Variants in SPOCK3 observed in about 807,000 individuals in gnomAD.
The protein encoded by SPOCK3 is SPARC (osteonectin), cwcv and kazal like domains proteoglycan 3, also known as testican-3.
In SPOCK3, 30 loss-of-function variants were observed where a neutral mutation model predicts 56.6. The ratio of observed to expected loss-of-function variants is 0.53; its 90% CI spans 0.40 to 0.72. The LOEUF (loss-of-function observed/expected upper bound fraction) is 0.72. Ranked by LOEUF, SPOCK3 falls within the 30% of genes least tolerant of loss-of-function variation. The pLI is 0.00. For missense variants in SPOCK3, 527 were observed against 530.0 expected, an observed-to-expected ratio of 0.99 and a Z score of 0.06; for synonymous variants, 196 against 183.3, an observed-to-expected ratio of 1.07 and a Z score of -0.56.
chr4:167,103,285 C>T (rs1317803283), intron 2 of SPOCK3, among the ~76,000 whole-genome samples: 1 of 152,116 alleles, frequency 6.6e-6, no homozygotes, highest in African/African-American at 2.4e-5. Context: ...GGACAGAGCA[C>T]CAAGTGGGCC....
At chr4:167,196,825 C>T (rs1199265285) in intron 2 of SPOCK3, among the ~76,000 whole-genome samples, 3 of 152,166 alleles carry the variant, frequency 2.0e-5, no homozygotes, top group African/African-American at 7.2e-5. Flanking sequence ...CTCTCATATA[C>T]TGGCAGCTTG....
chr4:166,834,915 C>G (rs1247686772), intron 6 of SPOCK3, among the ~76,000 whole-genome samples: 1 of 151,892 alleles, frequency 6.6e-6, no homozygotes, highest in South Asian at 2.1e-4. Context: ...GTTATATAAA[C>G]AAATCTTTAT....
intron 10 of SPOCK3, among the ~76,000 whole-genome samples, chr4:166,736,406 A>C (rs1734221252): frequency 6.6e-6 from 1 of 152,102 alleles, no homozygotes; most frequent in South Asian, 2.1e-4. Flanking sequence ...TGTAAAATTT[A>C]TGTAAGGCAG....
At chr4:166,859,293 T>C (rs746472967) in intron 6 of SPOCK3, among the ~76,000 whole-genome samples, 1 of 152,128 alleles carries the variant, frequency 6.6e-6, no homozygotes, top group Non-Finnish European at 1.5e-5. Context: ...TATAAAAATA[T>C]ACATAAACAT....
intron 2 of SPOCK3, chr4:167,102,471 A>G (rs1221006089): frequency 6.6e-6 from 1 of 152,144 alleles, no homozygotes; most frequent in African/African-American, 2.4e-5. Context: ...GAAGCACTGA[A>G]GATGGTAAAA....
intron 6 of SPOCK3, 42 bp from the exon 7 acceptor site, chr4:166,792,331 G>A (rs199715449): frequency 3.7e-6 from 6 of 1,607,600 alleles, no homozygotes; most frequent in Admixed American, 3.3e-5. Context: ...TAATATCTTA[G>A]TATAATGTTA....
intron 6 of SPOCK3, among the ~76,000 whole-genome samples, chr4:166,799,794 A>G (rs1253437689): frequency 1.3e-5 from 2 of 152,130 alleles, no homozygotes; most frequent in Non-Finnish European, 2.9e-5. Context: ...ATAAAAGCGA[A>G]CTGAGAAGAA....
At chr4:167,176,775 G>C (rs887965596) in intron 2 of SPOCK3, among the ~76,000 whole-genome samples, 3 of 152,072 alleles carry the variant, frequency 2.0e-5, no homozygotes, top group African/African-American at 7.2e-5. Flanking sequence ...GAAATCCTCA[G>C]CATTTGCAAG....
chr4:166,841,085 GTTT>G (rs201046909), intron 6 of SPOCK3, among the ~76,000 whole-genome samples: 3 of 151,430 alleles, frequency 2.0e-5, no homozygotes, highest in African/African-American at 4.9e-5. Flanking sequence ...GCCCGCAGAA[GTTT>G]TTTTTTACTA....
At chr4:167,087,186 A>G (rs1336960452) in intron 2 of SPOCK3, among the ~76,000 whole-genome samples, 5 of 152,156 alleles carry the variant, frequency 3.3e-5, no homozygotes, top group African/African-American at 4.8e-5. Context: ...TCATAACTCT[A>G]TGAGGTACAG....
At chr4:166,780,333 T>C (rs1029145492) in intron 7 of SPOCK3, among the ~76,000 whole-genome samples, 5 of 151,770 alleles carry the variant, frequency 3.3e-5, no homozygotes, top group Non-Finnish European at 7.4e-5. Context: ...TGACAGTAAA[T>C]AAACTCTGGA....
At position 166,873,561 on chromosome 4, in the gene SPOCK3, C is replaced by T. The variant is rs202087598; in HGVS notation, c.589+15569G>A. Among the ~76,000 whole-genome samples the T allele has an allele frequency of 5.3e-5, 8 of 152,194 alleles. No individual in the cohort carries two copies. The East Asian group carries it at 1.4e-3, about 26-fold the overall frequency. ...TGCTCTATATTGTTGTGAACATAAACTGCGGCACAAATAAAGCCTATTTTA... is the reference window on the plus strand; with the variant it reads ...TGCTCTATATTGTTGTGAACATAAATTGCGGCACAAATAAAGCCTATTTTA... On this transcript the variant is annotated intron_variant, in intron 6 of 10. Coordinates refer to ENST00000357545, the MANE Select transcript of SPOCK3 (RefSeq NM_001040159.2).
intron 2 of SPOCK3, among the ~76,000 whole-genome samples, chr4:167,112,848 T>TTAA (rs1554038269): frequency 1.0e-4 from 15 of 149,594 alleles, no homozygotes; most frequent in Middle Eastern, 6.8e-3. Flanking sequence ...TGCTCTTTTT[T>TTAA]AAAAAAAAAA....
At chr4:166,810,000 G>A (rs921771832) in intron 6 of SPOCK3, among the ~76,000 whole-genome samples, 2 of 152,044 alleles carry the variant, frequency 1.3e-5, no homozygotes, top group Non-Finnish European at 2.9e-5. Flanking sequence ...CAAATTTATC[G>A]ATTACAGTTT....
intron 4 of SPOCK3, among the ~76,000 whole-genome samples, chr4:166,972,926 T>G (rs1243346972): frequency 6.6e-6 from 1 of 152,198 alleles, no homozygotes; most frequent in African/African-American, 2.4e-5. Flanking sequence ...GAATAAAGTA[T>G]GCCTTTCTCA....
intron 4 of SPOCK3, among the ~76,000 whole-genome samples, chr4:166,997,514 A>G (rs1748507933): frequency 6.6e-6 from 1 of 152,134 alleles, no homozygotes; most frequent in Admixed American, 6.6e-5. Flanking sequence ...TCAATTGATC[A>G]AACTATTTGT....
chr4:167,197,740 TTTTAAG>T (rs1298668929), intron 2 of SPOCK3, among the ~76,000 whole-genome samples: 1 of 152,182 alleles, frequency 6.6e-6, no homozygotes. Flanking sequence ...TGATGTTATG[TTTTAAG>T]TTTGTGTTCA....
chr4:166,777,308 C>T (rs541866547), intron 7 of SPOCK3, among the ~76,000 whole-genome samples: 2 of 152,026 alleles, frequency 1.3e-5, no homozygotes, highest in Admixed American at 1.3e-4. Flanking sequence ...TAAACATTCC[C>T]AAGTTAGGTA....
chr4:166,917,734 G>T (rs1738021426), intron 4 of SPOCK3, among the ~76,000 whole-genome samples: 5 of 151,978 alleles, frequency 3.3e-5, no homozygotes, highest in Non-Finnish European at 1.5e-5. Context: ...GAAGTGCCTT[G>T]CTTCCCCTTC....
Sources: gnomAD v4.1 joint callset for allele counts (sites outside exome capture counted in the v4.1 genomes callset) on GRCh38, gnomAD v4.1.1 for gene constraint, MANE v1.5 for transcripts, NCBI Gene and HGNC (gene_info 2026-07-23, HGNC 2026-07-21) for gene names.